Variants in PHACTR3 observed in about 807,000 individuals in gnomAD.
PHACTR3 encodes protein phosphatase 1, regulatory subunit 123.
PHACTR3 carries 16 observed loss-of-function variants against 66.8 expected under a neutral mutation model. The ratio of observed to expected loss-of-function variants is 0.24; its 90% CI spans 0.16 to 0.36. The LOEUF is 0.36. Ranked by LOEUF, PHACTR3 falls within the 10% of genes least tolerant of loss-of-function variation. The probability of loss-of-function intolerance (pLI) is 1.00; values close to 1 mark genes in which losing one functional copy is unlikely to be tolerated. For synonymous variants in PHACTR3, 323 were observed against 292.1 expected (o/e 1.11, Z -1.08); for missense variants, 647 against 719.9 (o/e 0.90, Z 1.16).
intron 1 of PHACTR3, among the ~76,000 whole-genome samples, chr20:59,715,845 T>G (rs1296946676): frequency 6.6e-6 from 1 of 152,014 alleles, no homozygotes; most frequent in African/African-American, 2.4e-5. Context: ...TGTCCATATT[T>G]TCTCCTAGTG....
intron 1 of PHACTR3, among the ~76,000 whole-genome samples, chr20:59,636,723 A>G (rs1376612172): frequency 6.6e-6 from 1 of 152,212 alleles, no homozygotes; most frequent in Non-Finnish European, 1.5e-5. Flanking sequence ...CATAATTCCT[A>G]TACTTCACTG....
intron 7 of PHACTR3, among the ~76,000 whole-genome samples, chr20:59,805,276 G>A (rs1299605989): frequency 6.6e-6 from 1 of 152,146 alleles, no homozygotes; most frequent in Non-Finnish European, 1.5e-5. Flanking sequence ...AGAACACAAG[G>A]GCTGGCCTAG....
chr20:59,662,008 C>T (rs114371397), intron 1 of PHACTR3, among the ~76,000 whole-genome samples: 1,992 of 152,212 alleles, frequency 0.013, 51 homozygotes, highest in African/African-American at 0.044. Flanking sequence ...GTATTCGGTG[C>T]TGCACAGGAG....
At chr20:59,658,225 C>T (rs1568682564) in intron 1 of PHACTR3, among the ~76,000 whole-genome samples, 1 of 152,016 alleles carries the variant, frequency 6.6e-6, no homozygotes, top group Admixed American at 6.6e-5. Context: ...TCCTCTTTAA[C>T]AGTGTACATA....
At chr20:59,602,630 A>G (rs560981068), upstream of PHACTR3, among the ~76,000 whole-genome samples, 1 of 152,174 alleles carries the variant, frequency 6.6e-6, no homozygotes, top group East Asian at 1.9e-4. Context: ...CCCCCCACCT[A>G]TAGCCAGTCT....
At chr20:59,659,569 C>T (rs1204827572) in intron 1 of PHACTR3, among the ~76,000 whole-genome samples, 1 of 151,942 alleles carries the variant, frequency 6.6e-6, no homozygotes, top group African/African-American at 2.4e-5. Flanking sequence ...GACAGGGTTT[C>T]ACCATATTGG....
At chr20:59,581,608 G>A (rs1404114810) in intron 1 of PHACTR3, among the ~76,000 whole-genome samples, 1 of 152,332 alleles carries the variant, frequency 6.6e-6, no homozygotes, top group Non-Finnish European at 1.5e-5. Context: ...TAGGCTGGAC[G>A]TGGTGGCTCA....
At chr20:59,655,940 G>A (rs1419951784) in intron 1 of PHACTR3, among the ~76,000 whole-genome samples, 1 of 151,734 alleles carries the variant, frequency 6.6e-6, no homozygotes, top group Non-Finnish European at 1.5e-5. Flanking sequence ...ATTTCCATAT[G>A]TTTGTGAATC....
chr20:59,711,973 T>C (rs2037928120), intron 1 of PHACTR3, among the ~76,000 whole-genome samples: 1 of 152,204 alleles, frequency 6.6e-6, no homozygotes. Flanking sequence ...GAGGTCTTTA[T>C]ATATTAAGGA....
chr20:59,585,647 CA>C (rs2033004251), intron 1 of PHACTR3, among the ~76,000 whole-genome samples: 1 of 152,204 alleles, frequency 6.6e-6, no homozygotes, highest in Non-Finnish European at 1.5e-5. Context: ...CCGTGCCTGG[CA>C]CCTAGCAGGT....
chr20:59,679,961 C>T (rs529538760), intron 1 of PHACTR3, among the ~76,000 whole-genome samples: 8 of 152,250 alleles, frequency 5.3e-5, no homozygotes, highest in African/African-American at 1.7e-4. Flanking sequence ...GCACACGCAT[C>T]GCTTTAGGGA....
intron 8 of PHACTR3, among the ~76,000 whole-genome samples, chr20:59,807,077 G>T (rs554592027): frequency 3.3e-5 from 5 of 152,308 alleles, no homozygotes; most frequent in South Asian, 2.1e-4. Context: ...GTGCACCTCC[G>T]CAGACTTCAG....
At chr20:59,750,762 T>C (rs901368689) in intron 3 of PHACTR3, among the ~76,000 whole-genome samples, 3 of 152,156 alleles carry the variant, frequency 2.0e-5, no homozygotes, top group Middle Eastern at 3.2e-3. Flanking sequence ...GGAGGGGACT[T>C]GGACTTGCTT....
chr20:59,748,077 C>G (rs969779157), intron 3 of PHACTR3, among the ~76,000 whole-genome samples: 1 of 152,226 alleles, frequency 6.6e-6, no homozygotes, highest in Non-Finnish European at 1.5e-5. Flanking sequence ...CACCACTCCT[C>G]TCTGGGGAAT....
intron 7 of PHACTR3, among the ~76,000 whole-genome samples, chr20:59,792,192 GGCCTTGGAA>G (rs2041124544): frequency 6.6e-6 from 1 of 152,160 alleles, no homozygotes; most frequent in Non-Finnish European, 1.5e-5. Flanking sequence ...ACAAATGAGG[GGCCTTGGAA>G]GCATCAACCA....
intron 1 of PHACTR3, among the ~76,000 whole-genome samples, chr20:59,657,298 T>C (rs2146466032): frequency 6.6e-6 from 1 of 152,004 alleles, no homozygotes; most frequent in Non-Finnish European, 1.5e-5. Flanking sequence ...TGTGTTATTT[T>C]ATGCAATTGT....
intron 1 of PHACTR3, among the ~76,000 whole-genome samples, chr20:59,608,792 T>A (rs1366593204): frequency 1.3e-5 from 2 of 152,220 alleles, no homozygotes; most frequent in East Asian, 3.9e-4. Flanking sequence ...TCAGACCTGT[T>A]CCCCACCCCA....
chr20:59,674,263 C>A (rs1453585516), intron 1 of PHACTR3, among the ~76,000 whole-genome samples: 1 of 150,688 alleles, frequency 6.6e-6, no homozygotes, highest in African/African-American at 2.5e-5. Context: ...TGGACTAACG[C>A]CCCCAGAATG....
At position 59,604,877 on chromosome 20, in the gene PHACTR3, C is replaced by CTTTTTTTTT; in HGVS notation, c.-124_-116dup. On this transcript the variant is annotated 5_prime_UTR_variant, in exon 1 of 13. Transcript: ENST00000371015. ...TCTCCAGCTCGTTTCCTTTCCCGGC[C>CTTTTTTTTT]TTTTTTTTTTTTTTTTTTTTTTAAT... 5.1e-6 allele frequency: 5 copies of CTTTTTTTTT among 977,870 alleles called. No homozygotes were observed. Among genetic ancestry groups the CTTTTTTTTT allele is most frequent in the Non-Finnish European group, 6.0e-6 (5 of 829,290 alleles). 60.6% of individuals were successfully genotyped at this position (977,870 alleles called of 1,614,324 possible).
Sources: allele counts gnomAD v4.1 joint callset (sites outside exome capture counted in the v4.1 genomes callset), GRCh38; gene constraint gnomAD v4.1.1; transcripts MANE v1.5; gene names NCBI Gene and HGNC (gene_info 2026-07-23, HGNC 2026-07-21).